TGFB2: variants seen among roughly 807,000 people sequenced by gnomAD.
The protein encoded by TGFB2 is transforming growth factor beta-2 proprotein.
In TGFB2, 13 loss-of-function variants were observed where a neutral mutation model predicts 42.7. That is an observed-to-expected ratio of 0.30 (90% CI 0.20 to 0.48). The LOEUF (loss-of-function observed/expected upper bound fraction) is 0.48, where lower values mean the gene tolerates loss of function less well. Ranked by LOEUF, TGFB2 falls within the 20% of genes least tolerant of loss-of-function variation. TGFB2 has a pLI of 0.99. For missense variants in TGFB2, 390 were observed against 517.5 expected, an observed-to-expected ratio of 0.75 and a Z score of 2.39; for synonymous variants, 193 against 193.6, an observed-to-expected ratio of 1.00 and a Z score of 0.03.
rs151329324 is a variant in TGFB2 at position 218,346,056 on chromosome 1, GCACACACACACACACA to G, written c.-636_-621del. Among the ~76,000 whole-genome samples, 1 of 145,604 alleles carries G rather than the reference GCACACACACACACACA, an allele frequency of 6.9e-6. No individual in the cohort carries two copies. Among genetic ancestry groups the G allele is most frequent in the East Asian group, 2.1e-4 (1 of 4,744 alleles). On this transcript the variant is annotated 5_prime_UTR_variant, in exon 1 of 7. Transcript: ENST00000366930. This position sits in a 1 kb window ranked among gnomAD's most constrained non-coding sequence, Gnocchi z 4.9. ...GGGCTCGCCCCCAGCGCGCGCACAC[GCACACACACACACACA>G]CACACACACGCACGCACACACGTGT...
In TGFB2 at chr1:218,401,530, G is replaced by A. The variant is rs142706020; in HGVS notation, c.347-3639G>A. 3.1e-3 allele frequency among the ~76,000 whole-genome samples: 467 copies of A among 152,286 alleles called. 4 individuals are homozygous for A. Among genetic ancestry groups the A allele is most frequent in the African/African-American group, 0.011 (458 of 41,554 alleles). ...AAATCCAAAGGGTTGAAGGAAAATC[G>A]ATTTGATTGAACTGAAAAAGTAGGT... On this transcript the variant is annotated intron_variant, in intron 1 of 6. Coordinates refer to ENST00000366930, the MANE Select transcript of TGFB2 (RefSeq NM_003238.6).
intron 2 of TGFB2, among the ~76,000 whole-genome samples, chr1:218,418,509 A>G (rs766291999): frequency 9.2e-5 from 14 of 152,168 alleles, no homozygotes; most frequent in Non-Finnish European, 1.6e-4. Flanking sequence ...GAGACTTTGT[A>G]CTGTGGACTT....
chr1:218,366,747 A>C lies in TGFB2; in HGVS notation c.346+19700A>C, dbSNP rs538238353. Among the ~76,000 whole-genome samples, 10 of 152,336 alleles carry C rather than the reference A, an allele frequency of 6.6e-5. No individual in the cohort carries two copies. The South Asian group carries it at 8.3e-4, about 13-fold the overall frequency. On this transcript the variant is annotated intron_variant, in intron 1 of 6. Coordinates refer to ENST00000366930, the MANE Select transcript of TGFB2 (RefSeq NM_003238.6). Reference sequence around the variant, plus strand: ...GCTGAGGACTCTGCACATTTTAAACAGGCACTGCAGGTGCTTCTGACGTCA... The same window carrying C: ...GCTGAGGACTCTGCACATTTTAAACCGGCACTGCAGGTGCTTCTGACGTCA...
Position 218,435,964 on chromosome 1 carries a change from T to C in TGFB2, c.755-6T>C, listed in dbSNP as rs757573768. On this transcript the variant is annotated splice_region_variant and splice_polypyrimidine_tract_variant and intron_variant, in intron 4 of 6. Coordinates refer to ENST00000366930, the MANE Select transcript of TGFB2 (RefSeq NM_003238.6). ...AATGTTTATTACCCAAATGCATTTT[T>C]TCAAGGTATTGATGGCACCTCCACA... 1 of 1,591,260 alleles carries C rather than the reference T, an allele frequency of 6.3e-7. No homozygotes were observed. Among genetic ancestry groups the C allele is most frequent in the South Asian group, 1.2e-5 (1 of 86,394 alleles).
intron 2 of TGFB2, among the ~76,000 whole-genome samples, chr1:218,426,374 G>A (rs1246067336): frequency 1.3e-5 from 2 of 152,118 alleles, no homozygotes; most frequent in Non-Finnish European, 2.9e-5. Context: ...ACTTCTACTT[G>A]TTTTTTCCCC....
In TGFB2 at chr1:218,361,636, C is replaced by A. The variant is rs535602516; in HGVS notation, c.346+14589C>A. ...CAAGTGACTTACTCTGCATATTCTACCTTTCTCTGGTTGTATTCTTTGAGA... is the reference window on the plus strand; with the variant it reads ...CAAGTGACTTACTCTGCATATTCTAACTTTCTCTGGTTGTATTCTTTGAGA... On this transcript the variant is annotated intron_variant, in intron 1 of 6. Transcript: ENST00000366930. 7.9e-5 allele frequency among the ~76,000 whole-genome samples: 12 copies of A among 152,312 alleles called. No homozygotes were observed. The South Asian group carries it at 2.1e-3, about 26-fold the overall frequency.
At chr1:218,381,459 T>G (rs1217048597) in intron 1 of TGFB2, among the ~76,000 whole-genome samples, 1 of 152,038 alleles carries the variant, frequency 6.6e-6, no homozygotes, top group East Asian at 1.9e-4. Context: ...TTTCACCTTG[T>G]TAGCCAGGAT....
Position 218,346,056 on chromosome 1 carries a change from G to GCACACACACACACACACACA in TGFB2, c.-640_-621dup, listed in dbSNP as rs151329324. Among the ~76,000 whole-genome samples, 3 of 145,604 alleles carry GCACACACACACACACACACA rather than the reference G, an allele frequency of 2.1e-5. No individual in the cohort carries two copies. The highest frequency in any genetic ancestry group is 5.0e-5 in the African/African-American group (2 of 39,610). On this transcript the variant is annotated 5_prime_UTR_variant, in exon 1 of 7. Coordinates refer to ENST00000366930, the MANE Select transcript of TGFB2 (RefSeq NM_003238.6). This position sits in a 1 kb window ranked among gnomAD's most constrained non-coding sequence, Gnocchi z 4.9. ...GGGCTCGCCCCCAGCGCGCGCACACGCACACACACACACACACACACACAC... is the reference window on the plus strand; with the variant it reads ...GGGCTCGCCCCCAGCGCGCGCACACGCACACACACACACACACACACACACACACACACACACACACACAC...
chr1:218,419,370 G>A, intron 2 of TGFB2, among the ~76,000 whole-genome samples: 1 of 152,116 alleles, frequency 6.6e-6, no homozygotes, highest in East Asian at 1.9e-4. Flanking sequence ...CCTGCTCAGG[G>A]AGACCTTCTT....
chr1:218,440,398 C>A (rs952252343), intron 6 of TGFB2, among the ~76,000 whole-genome samples: 6 of 150,902 alleles, frequency 4.0e-5, no homozygotes, highest in Non-Finnish European at 7.4e-5. Context: ...TGAGGAGACA[C>A]TTAACGTAGA....
At chr1:218,356,972 G>T (rs1207567536) in intron 1 of TGFB2, among the ~76,000 whole-genome samples, 2 of 152,234 alleles carry the variant, frequency 1.3e-5, no homozygotes, top group African/African-American at 2.4e-5. Context: ...AGCACTTTGG[G>T]AGGCTGAGGC....
chr1:218,444,006 C>A lies in TGFB2; in HGVS notation c.*2644C>A, dbSNP rs1264538682. On this transcript the variant is annotated 3_prime_UTR_variant, in exon 7 of 7. Transcript: ENST00000366930. ...AATTATTTCGATGATATGTGGATGT[C>A]TTTTTCCTATCAGTACCATCATCGA... The A allele has an allele frequency of 1.3e-5, 2 of 151,982 alleles. No individual in the cohort carries two copies. The highest frequency in any genetic ancestry group is 4.8e-5 in the African/African-American group (2 of 41,370). 9.4% of individuals were successfully genotyped at this position (151,982 alleles called of 1,614,324 possible).
intron 5 of TGFB2, among the ~76,000 whole-genome samples, chr1:218,437,046 A>G (rs566610357): frequency 6.6e-6 from 1 of 152,346 alleles, no homozygotes; most frequent in East Asian, 1.9e-4. Context: ...CTCTCTGCTT[A>G]TATCTGGTCA....
At chr1:218,429,006 A>G (rs1434286966) in intron 2 of TGFB2, among the ~76,000 whole-genome samples, 3 of 123,258 alleles carry the variant, frequency 2.4e-5, no homozygotes, top group Non-Finnish European at 4.8e-5. Context: ...TCTGAGACAG[A>G]GTCTTGCTCT....
At chr1:218,435,616 G>A (rs1659945177) in intron 4 of TGFB2, among the ~76,000 whole-genome samples, 1 of 152,178 alleles carries the variant, frequency 6.6e-6, no homozygotes, top group African/African-American at 2.4e-5. Flanking sequence ...GTGTTCAGTT[G>A]TTGAGGGCTT....
intron 1 of TGFB2, among the ~76,000 whole-genome samples, chr1:218,402,180 G>A (rs141829257): frequency 6.6e-6 from 1 of 152,356 alleles, no homozygotes; most frequent in Non-Finnish European, 1.5e-5. Context: ...CACCAAAGCA[G>A]TGGCTGATGG....
At chr1:218,356,536 C>A (rs1410126922) in intron 1 of TGFB2, among the ~76,000 whole-genome samples, 1 of 152,196 alleles carries the variant, frequency 6.6e-6, no homozygotes, top group Admixed American at 6.5e-5. Flanking sequence ...ATTATTTAAA[C>A]TATTTGAACT....
chr1:218,432,379 G>A lies in TGFB2; in HGVS notation c.511-1703G>A, dbSNP rs189090575. On this transcript the variant is annotated intron_variant, in intron 2 of 6. Transcript: ENST00000366930. ...TCCACATTCTCTTCTTTTAGTGGAGGTTTTGGACCACAGGGGCAGATCTGT... is the reference window on the plus strand; with the variant it reads ...TCCACATTCTCTTCTTTTAGTGGAGATTTTGGACCACAGGGGCAGATCTGT... Among the ~76,000 whole-genome samples the A allele has an allele frequency of 5.9e-5, 9 of 152,278 alleles. No homozygotes were observed. In the East Asian group the frequency reaches 1.7e-3, roughly 29 times the overall value.
At chr1:218,425,687 C>A (rs1659599350) in intron 2 of TGFB2, among the ~76,000 whole-genome samples, 1 of 152,092 alleles carries the variant, frequency 6.6e-6, no homozygotes. Flanking sequence ...ATTTTAAGTC[C>A]AAGATAATGG....
Sources: gnomAD v4.1 joint callset for allele counts (sites outside exome capture counted in the v4.1 genomes callset) on GRCh38, gnomAD v4.1.1 for gene constraint, Gnocchi (gnomAD v3.1) non-coding constraint, MANE v1.5 for transcripts, NCBI Gene and HGNC (gene_info 2026-07-23, HGNC 2026-07-21) for gene names.